OPHN1: variants seen among roughly 807,000 people sequenced by gnomAD.
OPHN1 encodes oligophrenin-1.
In OPHN1, 11 loss-of-function variants were observed where a neutral mutation model predicts 60.7. The ratio of observed to expected loss-of-function variants is 0.18; its 90% confidence interval spans 0.11 to 0.30. OPHN1 has a LOEUF of 0.30. Among genes scored for constraint, OPHN1 ranks in the 10% least tolerant of loss-of-function variants. OPHN1 has a pLI of 1.00. For synonymous variants in OPHN1, 226 were observed against 222.6 expected, an observed-to-expected ratio of 1.02 and a Z score of -0.14; for missense variants, 449 against 611.0, an observed-to-expected ratio of 0.73 and a Z score of 2.80.
At chrX:68,325,283 C>T (rs1007311881) in intron 2 of OPHN1, among the ~76,000 whole-genome samples, 3 of 108,980 alleles carry the variant, frequency 2.8e-5, no homozygotes, top group Non-Finnish European at 5.7e-5. Context: ...TTTAATCAGA[C>T]TCTCCAATAA....
At chrX:68,100,992 C>T (rs762563802) in intron 18 of OPHN1, among the ~76,000 whole-genome samples, 8 of 111,157 alleles carry the variant, frequency 7.2e-5, no homozygotes, top group African/African-American at 2.3e-4. Flanking sequence ...GTGATCCGCC[C>T]GCCTCGGCCT....
chrX:68,298,615 C>T lies in OPHN1; in HGVS notation c.250+386G>A, dbSNP rs1238362813. On this transcript the variant is annotated intron_variant, in intron 3 of 24. Coordinates refer to ENST00000355520, the MANE Select transcript of OPHN1 (RefSeq NM_002547.3). ...CTGTTCCTGATAAGTTGTAGACACACAAATGCTAATTTAACACTTTCTAGG... is the reference window on the plus strand; with the variant it reads ...CTGTTCCTGATAAGTTGTAGACACATAAATGCTAATTTAACACTTTCTAGG... Among the ~76,000 whole-genome samples, 2 of 111,931 alleles carry T rather than the reference C, an allele frequency of 1.8e-5. 1 individual carries two copies. The highest frequency in any genetic ancestry group is 3.8e-5 in the Non-Finnish European group (2 of 53,243).
chrX:68,240,063 G>A (rs1047654817), intron 5 of OPHN1, among the ~76,000 whole-genome samples: 1 of 111,711 alleles, frequency 9.0e-6, no homozygotes, highest in African/African-American at 3.3e-5. Flanking sequence ...TGCTCGCCTC[G>A]GCCTCCCAAA....
intron 19 of OPHN1, among the ~76,000 whole-genome samples, chrX:68,088,383 A>G (rs895791911): frequency 1.8e-5 from 2 of 111,832 alleles, no homozygotes; most frequent in African/African-American, 3.2e-5. Context: ...GGACATCTCT[A>G]TCTACTCAGC....
intron 6 of OPHN1, among the ~76,000 whole-genome samples, chrX:68,226,236 G>T (rs1386123619): frequency 3.6e-5 from 4 of 111,834 alleles, no homozygotes; most frequent in Non-Finnish European, 7.5e-5. Flanking sequence ...TATGGGAAAA[G>T]ACCAAATCTA....
At chrX:68,430,771 C>T (rs766649139) in intron 2 of OPHN1, among the ~76,000 whole-genome samples, 4 of 110,451 alleles carry the variant, frequency 3.6e-5, no homozygotes, top group Non-Finnish European at 7.6e-5. Flanking sequence ...CTGCAGTGAG[C>T]TGAGATCATG....
chrX:68,382,219 C>T (rs1207535944), intron 2 of OPHN1, among the ~76,000 whole-genome samples: 1 of 110,527 alleles, frequency 9.0e-6, no homozygotes, highest in Non-Finnish European at 1.9e-5. Context: ...TGGTGGTACA[C>T]ACCTGTAGTC....
intron 6 of OPHN1, among the ~76,000 whole-genome samples, chrX:68,225,943 G>C (rs1035167173): frequency 1.8e-5 from 2 of 111,741 alleles, no homozygotes; most frequent in Non-Finnish European, 3.8e-5. Flanking sequence ...AGCTAAAGGA[G>C]GATGCTCAAA....
intron 15 of OPHN1, among the ~76,000 whole-genome samples, chrX:68,189,505 C>CT (rs1336655309): frequency 9.3e-6 from 1 of 108,032 alleles, no homozygotes; most frequent in African/African-American, 3.4e-5. Context: ...TCCCTCCCAC[C>CT]TCCCCCAACC....
At chrX:68,196,983 G>A (rs777391889) in intron 12 of OPHN1, among the ~76,000 whole-genome samples, 1 of 111,493 alleles carries the variant, frequency 9.0e-6, no homozygotes, top group South Asian at 3.8e-4. Flanking sequence ...CTTCTCTGAG[G>A]GTGGTCTCAG....
At chrX:68,317,376 A>AAAGAAAGAAAGAAAGAAAGGAAGGAAGG (rs1555970490) in intron 2 of OPHN1, among the ~76,000 whole-genome samples, 2 of 50,576 alleles carry the variant, frequency 4.0e-5, no homozygotes, top group Non-Finnish European at 6.7e-5. Flanking sequence ...AGAAAGAAAG[A>AAAGAAAGAAAGAAAGAAAGGAAGGAAGG]AAGGAAGGAA....
intron 15 of OPHN1, among the ~76,000 whole-genome samples, chrX:68,131,646 C>A (rs1352035564): frequency 8.9e-6 from 1 of 112,168 alleles, no homozygotes; most frequent in African/African-American, 3.2e-5. Context: ...TAAAAGCACA[C>A]TAAAAAGAAA....
chrX:68,351,093 TA>T (rs1490528712), intron 2 of OPHN1, among the ~76,000 whole-genome samples: 2 of 110,582 alleles, frequency 1.8e-5, no homozygotes, highest in Admixed American at 1.9e-4. Context: ...CACGCCCAGC[TA>T]ATTTTTGTAT....
At chrX:68,264,613 T>C (rs1424786793) in intron 5 of OPHN1, among the ~76,000 whole-genome samples, 1 of 111,596 alleles carries the variant, frequency 9.0e-6, no homozygotes, top group Non-Finnish European at 1.9e-5. Flanking sequence ...ACGTAGAAGA[T>C]GGGTGATTTC....
intron 15 of OPHN1, among the ~76,000 whole-genome samples, chrX:68,137,170 T>C (rs1453274253): frequency 8.9e-6 from 1 of 111,852 alleles, no homozygotes; most frequent in Non-Finnish European, 1.9e-5. Context: ...GCATTTTATA[T>C]GTCTGCTTTG....
At position 68,360,658 on chromosome X, in the gene OPHN1, C is replaced by T. The variant is rs749420967; in HGVS notation, c.155-61562G>A. ...TACAAAAAATCAGCCAGGCACATGC[C>T]GGTAGTCCCACCCACTCGGAAGGCT... On this transcript the variant is annotated intron_variant, in intron 2 of 24. Transcript: ENST00000355520. Among the ~76,000 whole-genome samples, 3 of 110,815 alleles carry T rather than the reference C, an allele frequency of 2.7e-5. No individual in the cohort carries two copies. The South Asian group carries it at 1.2e-3, about 43-fold the overall frequency.
intron 2 of OPHN1, among the ~76,000 whole-genome samples, chrX:68,358,413 A>C (rs2078453537): frequency 9.0e-6 from 1 of 111,606 alleles, no homozygotes; most frequent in Non-Finnish European, 1.9e-5. Context: ...CTACCTTGGG[A>C]GGTCATGTGC....
At chrX:68,321,386 C>T (rs561802270) in intron 2 of OPHN1, among the ~76,000 whole-genome samples, 4 of 111,921 alleles carry the variant, frequency 3.6e-5, no homozygotes, top group African/African-American at 9.7e-5. Context: ...CCCTTAGAAC[C>T]CTGCTGGCCT....
At position 68,106,074 on chromosome X, in the gene OPHN1, A is replaced by C. The variant is rs888584589; in HGVS notation, c.1526+5780T>G. 9.9e-5 allele frequency among the ~76,000 whole-genome samples: 10 copies of C among 101,501 alleles called. No individual in the cohort carries two copies. The Admixed American group carries it at 1.1e-3, about 11-fold the overall frequency. The allele number at this position is 101,501 out of a possible 115,157, so 88.1% of individuals were successfully genotyped here. The stretch of plus-strand genomic sequence containing the variant: ...AATGCATGCACACACACACACAACG[A>C]GAGAGAGAAAAAGAGGGAGAGAGAG... On this transcript the variant is annotated intron_variant, in intron 18 of 24. Transcript: ENST00000355520.
Sources: gnomAD v4.1 joint callset for allele counts (sites outside exome capture counted in the v4.1 genomes callset) on GRCh38, gnomAD v4.1.1 for gene constraint, MANE v1.5 for transcripts, NCBI Gene and HGNC (gene_info 2026-07-23, HGNC 2026-07-21) for gene names.